The following KDM4B variants were observed in gnomAD, a reference collection of about 807,000 sequenced individuals.
KDM4B encodes lysine-specific demethylase 4B.
In KDM4B, 32 loss-of-function variants were observed where a neutral mutation model predicts 125.2. The ratio of observed to expected loss-of-function variants is 0.26; its 90% confidence interval spans 0.19 to 0.34. KDM4B has a LOEUF of 0.34. Ranked by LOEUF, KDM4B falls within the 10% of genes least tolerant of loss-of-function variation. KDM4B has a pLI of 1.00. For synonymous variants in KDM4B, 721 were observed against 677.9 expected (o/e 1.06, Z -0.99); for missense variants, 1,190 against 1,577.7 (o/e 0.75, Z 4.16).
rs73540658 is a variant in KDM4B at position 5,000,360 on chromosome 19, A to G, written c.-108-15897A>G. 1.3e-3 allele frequency among the ~76,000 whole-genome samples: 196 copies of G among 148,862 alleles called. 1 individual carries two copies. Among genetic ancestry groups the G allele is most frequent in the African/African-American group, 4.7e-3 (187 of 40,198 alleles). ...ACCCATTCACCTATCCATCCATCCA[A>G]CCGTCCATCTGTTCATTCACCTATC... On this transcript the variant is annotated intron_variant, in intron 1 of 22. Transcript: ENST00000159111.
chr19:5,087,056 G>A (rs1324135894), intron 9 of KDM4B, among the ~76,000 whole-genome samples: 3 of 152,248 alleles, frequency 2.0e-5, no homozygotes, highest in East Asian at 3.9e-4. Context: ...CTCCCCTCCC[G>A]TCTTCTGCAG....
chr19:5,023,616 A>T (rs1311058091), intron 2 of KDM4B, among the ~76,000 whole-genome samples: 2 of 152,206 alleles, frequency 1.3e-5, no homozygotes, highest in South Asian at 4.1e-4. Flanking sequence ...ATGGGGCTTC[A>T]CCTGATGCCC....
chr19:5,097,038 C>T (rs991182128), intron 9 of KDM4B, among the ~76,000 whole-genome samples: 1 of 152,108 alleles, frequency 6.6e-6, no homozygotes, highest in African/African-American at 2.4e-5. Flanking sequence ...GTGGAGTCAG[C>T]AGGGCGGGGA....
chr19:5,073,281 G>A (rs1332569395), intron 7 of KDM4B, among the ~76,000 whole-genome samples: 1 of 152,242 alleles, frequency 6.6e-6, no homozygotes, highest in Non-Finnish European at 1.5e-5. Flanking sequence ...GTCTGCTGCA[G>A]GCATGACACC....
chr19:5,085,114 A>G (rs1158294983), intron 9 of KDM4B, among the ~76,000 whole-genome samples: 1 of 151,968 alleles, frequency 6.6e-6, no homozygotes, highest in Non-Finnish European at 1.5e-5. Flanking sequence ...GCTAACCTTT[A>G]TTTTTCTGGC....
chr19:4,971,998 G>A lies in KDM4B; in HGVS notation c.-109+2768G>A, dbSNP rs1304857483. On this transcript the variant is annotated intron_variant, in intron 1 of 22. Transcript: ENST00000159111. The surrounding 1 kb of genome is among the most constrained non-coding windows in gnomAD (Gnocchi z 4.1). ...GCACTGGTCACCGCCATGACAGATCGGCCGTCCTCATCCACAGCCTCACCC... is the reference window on the plus strand; with the variant it reads ...GCACTGGTCACCGCCATGACAGATCAGCCGTCCTCATCCACAGCCTCACCC... Among the ~76,000 whole-genome samples, 2 of 152,164 alleles carry A rather than the reference G, an allele frequency of 1.3e-5. No individual in the cohort carries two copies. Among genetic ancestry groups the A allele is most frequent in the Non-Finnish European group, 1.5e-5 (1 of 68,024 alleles).
intron 1 of KDM4B, among the ~76,000 whole-genome samples, chr19:4,976,666 G>C (rs974626563): frequency 6.6e-6 from 1 of 152,242 alleles, no homozygotes; most frequent in East Asian, 1.9e-4. Context: ...GGTGGTTTCT[G>C]CTGTCCCTGA....
At chr19:5,068,249 G>C (rs866282931) in intron 6 of KDM4B, among the ~76,000 whole-genome samples, 3 of 152,174 alleles carry the variant, frequency 2.0e-5, no homozygotes, top group Non-Finnish European at 4.4e-5. Context: ...AGGCCCGAAG[G>C]CTCCCTGAGT....
In KDM4B at chr19:5,131,369, A is replaced by C. The variant is rs767372431; in HGVS notation, c.1609A>C (p.Lys537Gln). The C allele has an allele frequency of 6.2e-7, 1 of 1,611,802 alleles. No individual in the cohort carries two copies. Residue 537 changes from lysine to glutamine, a missense_variant, in exon 12 of 23, where the codon AAG becomes CAG. Coordinates refer to ENST00000159111, the MANE Select transcript of KDM4B (RefSeq NM_015015.3). ...GCTGTACGTGGTGCCGCGGCCGGGCAAGGCAGCCTTCAACCAGGAGCACGT... is the reference window on the plus strand; with the variant it reads ...GCTGTACGTGGTGCCGCGGCCGGGCCAGGCAGCCTTCAACCAGGAGCACGT... ...PMLYVVPRPG[K>Q]AAFNQEHVSC...
At chr19:5,011,074 A>G (rs2035713175) in intron 1 of KDM4B, among the ~76,000 whole-genome samples, 1 of 152,056 alleles carries the variant, frequency 6.6e-6, no homozygotes, top group Non-Finnish European at 1.5e-5. Context: ...GGCCATCAGG[A>G]GCCCCTCGCA....
chr19:5,144,910 G>A lies in KDM4B; in HGVS notation c.3021+8G>A. 1 of 1,613,136 alleles carries A rather than the reference G, an allele frequency of 6.2e-7. No homozygotes were observed. The highest frequency in any genetic ancestry group is 8.5e-7 in the Non-Finnish European group (1 of 1,179,730). ...ACCAGCCACATCTACCAGGTAAGCG[G>A]GGGATCTGGCAGCCGCGCCATGCCT... On this transcript the variant is annotated splice_region_variant and intron_variant, in intron 21 of 22. Transcript: ENST00000159111.
chr19:5,131,892 G>A lies in KDM4B; in HGVS notation c.1791G>A (p.Pro597=), dbSNP rs544835411. The change falls in exon 13 of 23, where the codon CCG becomes CCA. Residue 597 remains proline (P), a synonymous_variant. Transcript: ENST00000159111. The part of the protein sequence containing the change: ...TKARAGEGQA[P]STFSKLKMEI... ...CAGCCTGTTGTGTGTTTCAGGCACC[G>A]TCCACATTTTCCAAATTGAAGATGG... 40 of 1,612,776 alleles carry A rather than the reference G, an allele frequency of 2.5e-5. No homozygotes were observed. Among genetic ancestry groups the A allele is most frequent in the Admixed American group, 2.0e-4 (12 of 59,988 alleles).
chr19:4,980,476 T>C (rs1407211108), intron 1 of KDM4B, among the ~76,000 whole-genome samples: 3 of 144,250 alleles, frequency 2.1e-5, no homozygotes, highest in African/African-American at 7.8e-5. Flanking sequence ...CAGGCTGGAG[T>C]GCAGTGGCAT....
chr19:5,095,189 G>A (rs937756050), intron 9 of KDM4B, among the ~76,000 whole-genome samples: 1 of 152,230 alleles, frequency 6.6e-6, no homozygotes, highest in African/African-American at 2.4e-5. Context: ...CCCGCTGGTG[G>A]CTGGCATTGT....
At chr19:5,136,435 G>A (rs2039650033) in intron 15 of KDM4B, among the ~76,000 whole-genome samples, 1 of 152,202 alleles carries the variant, frequency 6.6e-6, no homozygotes, top group Non-Finnish European at 1.5e-5. Context: ...GGCAGCCATA[G>A]ATCTGTGTCG....
At chr19:4,989,900 G>T (rs1211392275) in intron 1 of KDM4B, among the ~76,000 whole-genome samples, 1 of 152,192 alleles carries the variant, frequency 6.6e-6, no homozygotes, top group Non-Finnish European at 1.5e-5. Flanking sequence ...TGATCCACTC[G>T]CCTCGGCCTC....
chr19:5,131,081 G>A lies in KDM4B; in HGVS notation c.1321G>A (p.Gly441Arg). ...TCCCTCTCCTCTTCCCACAGAGGAC[G>A]GGAGGGGCAAGCTGCGGCCAACCAA... ...GREAEGAEED[G>R]RGKLRPTKAK... Residue 441 changes from glycine to arginine, a missense_variant, in exon 12 of 23, where the codon GGG becomes AGG. Transcript: ENST00000159111. The A allele has an allele frequency of 6.6e-7, 1 of 1,509,468 alleles. No homozygotes were observed. The highest frequency in any genetic ancestry group is 2.3e-5 in the East Asian group (1 of 43,704). 93.5% of individuals were successfully genotyped at this position (1,509,468 alleles called of 1,614,324 possible).
At chr19:5,144,752 G>A (rs899166296) in intron 20 of KDM4B, 31 bp from the exon 21 acceptor site, 24 of 1,613,116 alleles carry the variant, frequency 1.5e-5, no homozygotes, top group African/African-American at 2.7e-5. Context: ...AGTGTGGCCA[G>A]GACCTCACCT....
At chr19:4,999,834 G>A (rs868427703) in intron 1 of KDM4B, among the ~76,000 whole-genome samples, 2 of 14,014 alleles carry the variant, frequency 1.4e-4, no homozygotes, top group African/African-American at 3.1e-4. Context: ...CCCACCCACC[G>A]ACCCACCCAC....
Sources: allele counts gnomAD v4.1 joint callset (sites outside exome capture counted in the v4.1 genomes callset), GRCh38; gene constraint gnomAD v4.1.1; non-coding constraint Gnocchi (gnomAD v3.1); transcripts MANE v1.5; gene names NCBI Gene and HGNC (gene_info 2026-07-23, HGNC 2026-07-21).